Variants in SPMIP11 observed in about 807,000 individuals in gnomAD.
SPMIP11 encodes the protein sperm microtubule inner protein 11.
chr12:48,731,922 G>A, the SPMIP11 span, among the ~76,000 whole-genome samples: 1 of 152,088 alleles, frequency 6.6e-6, no homozygotes, highest in Admixed American at 6.6e-5. Context: ...GCTGATGCGG[G>A]CAGATCACTA....
chr12:48,746,452 C>T, the SPMIP11 span, among the ~76,000 whole-genome samples: 1 of 150,924 alleles, frequency 6.6e-6, no homozygotes, highest in Non-Finnish European at 1.5e-5. Flanking sequence ...CTGCAACCTC[C>T]GCCTCCCAGG....
At chr12:48,734,879 G>C in the SPMIP11 span, among the ~76,000 whole-genome samples, 5 of 151,484 alleles carry the variant, frequency 3.3e-5, no homozygotes, top group Admixed American at 3.3e-4. Context: ...GTGGCGGGCG[G>C]CTGTAGTCCC....
At chr12:48,768,030 G>A in the SPMIP11 span, 1 of 157,754 alleles carries the variant, frequency 6.3e-6, no homozygotes, top group Non-Finnish European at 1.4e-5. Context: ...GCTCCCCAGA[G>A]CTTCTCCCTC....
At chr12:48,729,733 T>C in the SPMIP11 span, among the ~76,000 whole-genome samples, 1 of 149,182 alleles carries the variant, frequency 6.7e-6, no homozygotes, top group African/African-American at 2.5e-5. Flanking sequence ...AAAAAGATTG[T>C]AAAGAACAAT....
the SPMIP11 span, among the ~76,000 whole-genome samples, chr12:48,736,882 CTA>C: frequency 4.6e-5 from 7 of 151,862 alleles, no homozygotes; most frequent in Non-Finnish European, 1.0e-4. Flanking sequence ...AATTTTGAAG[CTA>C]TGTTTTTATT....
At chr12:48,759,271 G>C in the SPMIP11 span, 1 of 702,828 alleles carries the variant, frequency 1.4e-6, no homozygotes, top group African/African-American at 1.7e-5. Flanking sequence ...GAATTATTCC[G>C]TGCACCAGAA....
At chr12:48,761,925 T>G in the SPMIP11 span, among the ~76,000 whole-genome samples, 1 of 148,638 alleles carries the variant, frequency 6.7e-6, no homozygotes, top group East Asian at 2.0e-4. Flanking sequence ...GGTCTGGCTA[T>G]CTCCCACACA....
chr12:48,758,160 C>T, the SPMIP11 span, among the ~76,000 whole-genome samples: 4 of 151,856 alleles, frequency 2.6e-5, no homozygotes, highest in Admixed American at 1.3e-4. Context: ...AGAGGGAGAC[C>T]GTCTTAAAAT....
chr12:48,765,392 G>A, the SPMIP11 span, among the ~76,000 whole-genome samples: 2 of 152,078 alleles, frequency 1.3e-5, no homozygotes, highest in Admixed American at 1.3e-4. Context: ...CACCGTGACC[G>A]GCTAATTTTT....
chr12:48,757,085 A>G, the SPMIP11 span, among the ~76,000 whole-genome samples: 1 of 151,872 alleles, frequency 6.6e-6, no homozygotes. Context: ...CAAGAGCTGG[A>G]TTTTACTCTG....
At chr12:48,755,455 T>A in the SPMIP11 span, among the ~76,000 whole-genome samples, 5 of 152,196 alleles carry the variant, frequency 3.3e-5, no homozygotes, top group Admixed American at 3.3e-4. Flanking sequence ...ACCCAGAACA[T>A]GCCCTTTCCC....
the SPMIP11 span, among the ~76,000 whole-genome samples, chr12:48,737,141 G>T: frequency 6.6e-6 from 1 of 151,808 alleles, no homozygotes; most frequent in Admixed American, 6.6e-5. Flanking sequence ...TCTAGAGATG[G>T]GGTCTTGCCA....
chr12:48,728,435 G>A, the SPMIP11 span, among the ~76,000 whole-genome samples: 5 of 152,218 alleles, frequency 3.3e-5, no homozygotes, highest in Non-Finnish European at 7.3e-5. Context: ...ATGGCCGGGT[G>A]CGGTGGCTCA....
At chr12:48,743,863 T>G in the SPMIP11 span, among the ~76,000 whole-genome samples, 80 of 127,178 alleles carry the variant, frequency 6.3e-4, no homozygotes, top group African/African-American at 2.4e-3. Context: ...ACCCGGGAGG[T>G]AGAGGTTGCA....
the SPMIP11 span, among the ~76,000 whole-genome samples, chr12:48,730,391 C>G: frequency 6.6e-6 from 1 of 152,038 alleles, no homozygotes; most frequent in Non-Finnish European, 1.5e-5. Context: ...TATGCCACCC[C>G]TACTCCCTGC....
At chr12:48,746,146 T>C in the SPMIP11 span, among the ~76,000 whole-genome samples, 1 of 152,074 alleles carries the variant, frequency 6.6e-6, no homozygotes, top group Non-Finnish European at 1.5e-5. Flanking sequence ...AAAGGGGCAA[T>C]GCAATAGAAC....
chr12:48,741,145 G>A, the SPMIP11 span, among the ~76,000 whole-genome samples: 17 of 141,810 alleles, frequency 1.2e-4, no homozygotes, highest in Non-Finnish European at 4.5e-5. Context: ...CACAACGTAT[G>A]CAGTCCAGGT....
At chr12:48,729,707 T>TAA in the SPMIP11 span, among the ~76,000 whole-genome samples, 9 of 112,446 alleles carry the variant, frequency 8.0e-5, no homozygotes, top group South Asian at 3.0e-4. Context: ...AGACTCCGTC[T>TAA]AAAAAAAAAA....
the SPMIP11 span, among the ~76,000 whole-genome samples, chr12:48,750,564 G>C: frequency 6.6e-6 from 1 of 152,112 alleles, no homozygotes; most frequent in African/African-American, 2.4e-5. Context: ...GGACCACCAT[G>C]GGGAACATGC....
Sources: gnomAD v4.1 joint callset for allele counts (sites outside exome capture counted in the v4.1 genomes callset) on GRCh38, gnomAD v4.1.1 for gene constraint, MANE v1.5 for transcripts, NCBI Gene and HGNC (gene_info 2026-07-23, HGNC 2026-07-21) for gene names.